Variants in MTHFD1L observed in about 807,000 individuals in gnomAD.
MTHFD1L encodes methylenetetrahydrofolate dehydrogenase (NADP+ dependent) 1 like.
Under a neutral mutation model 119.5 loss-of-function variants are expected in MTHFD1L, and 81 were observed. The ratio of observed to expected loss-of-function variants is 0.68; its 90% CI spans 0.57 to 0.82. The LOEUF (loss-of-function observed/expected upper bound fraction) is 0.82. Among genes scored for constraint, MTHFD1L ranks in the 40% least tolerant of loss-of-function variants. MTHFD1L has a pLI of 0.00. For synonymous variants in MTHFD1L, 430 were observed against 475.2 expected (o/e 0.90, Z 1.24); for missense variants, 1,125 against 1,253.4 (o/e 0.90, Z 1.55).
At chr6:150,981,313 G>A (rs1024444138) in intron 20 of MTHFD1L, among the ~76,000 whole-genome samples, 3 of 152,146 alleles carry the variant, frequency 2.0e-5, no homozygotes, top group Admixed American at 6.5e-5. Context: ...GGGATGTAGA[G>A]CACTATTGTT....
intron 26 of MTHFD1L, among the ~76,000 whole-genome samples, chr6:151,061,293 C>T (rs1193705595): frequency 1.3e-5 from 2 of 152,118 alleles, no homozygotes; most frequent in Non-Finnish European, 2.9e-5. Flanking sequence ...TAGAGTCACA[C>T]AAGATACACT....
intron 26 of MTHFD1L, among the ~76,000 whole-genome samples, chr6:151,070,338 T>G (rs1012110605): frequency 1.3e-5 from 2 of 152,238 alleles, no homozygotes; most frequent in African/African-American, 4.8e-5. Context: ...CCTTTCACTT[T>G]TGGAAAATGT....
chr6:150,965,670 A>G (rs1020625770), intron 19 of MTHFD1L, among the ~76,000 whole-genome samples: 3 of 121,810 alleles, frequency 2.5e-5, no homozygotes, highest in African/African-American at 8.2e-5. Flanking sequence ...GAAAAAAAAA[A>G]AAAGAGAAAG....
intron 26 of MTHFD1L, among the ~76,000 whole-genome samples, chr6:151,040,504 A>C (rs558438525): frequency 1.4e-5 from 1 of 70,250 alleles, no homozygotes; most frequent in South Asian, 4.7e-4. Context: ...TCAGGCCAGG[A>C]GTTTGAGACG....
At chr6:151,046,890 T>C (rs1189216053) in intron 26 of MTHFD1L, among the ~76,000 whole-genome samples, 1 of 152,088 alleles carries the variant, frequency 6.6e-6, no homozygotes, top group Non-Finnish European at 1.5e-5. Context: ...AGTTAAACTT[T>C]TAAGAAAAGG....
At chr6:151,049,347 C>A (rs944420967) in intron 26 of MTHFD1L, among the ~76,000 whole-genome samples, 1 of 152,144 alleles carries the variant, frequency 6.6e-6, no homozygotes, top group Non-Finnish European at 1.5e-5. Context: ...AAAAAATTAG[C>A]CAGGTGTGGT....
rs1454679762 is a variant in MTHFD1L at position 150,876,150 on chromosome 6, C to G, written c.288C>G (p.Phe96Leu). 6.3e-7 allele frequency: 1 copy of G among 1,599,742 alleles called. No individual in the cohort carries two copies. Among genetic ancestry groups the G allele is most frequent in the Non-Finnish European group, 8.5e-7 (1 of 1,173,490 alleles). Reference sequence around the variant, plus strand: ...TATTGCAAGAAAAAAACCCTGCCTTCAAGCCGGTTCTTGCAATTATCCAGG... The same window carrying G: ...TATTGCAAGAAAAAAACCCTGCCTTGAAGCCGGTTCTTGCAATTATCCAGG... ...LSLLQEKNPA[F>L]KPVLAIIQAG... Residue 96 changes from phenylalanine (F) to leucine (L), a missense_variant, in exon 2 of 28, where the codon TTC becomes TTG. Phe to Leu is a conservative substitution (Grantham distance 22, BLOSUM62 0). Around this residue, in one of 3 missense-constraint regions of MTHFD1L, gnomAD observed 1,058 missense variants for 1,151.2 expected, o/e 0.92. Coordinates refer to ENST00000367321, the MANE Select transcript of MTHFD1L (RefSeq NM_015440.5).
At chr6:151,016,334 C>CTTT (rs138675772) in intron 24 of MTHFD1L, among the ~76,000 whole-genome samples, 5 of 145,664 alleles carry the variant, frequency 3.4e-5, no homozygotes, top group African/African-American at 1.2e-4. Context: ...GTTCATTTCT[C>CTTT]TTTTTTTTTT....
intron 17 of MTHFD1L, chr6:150,959,043 TA>T: frequency 4.0e-6 from 1 of 251,270 alleles, no homozygotes. Context: ...GCACTGTTTA[TA>T]ATAGAATGGT....
intron 1 of MTHFD1L, among the ~76,000 whole-genome samples, chr6:150,870,268 A>T (rs1779173927): frequency 6.6e-6 from 1 of 152,222 alleles, no homozygotes; most frequent in South Asian, 2.1e-4. Context: ...GATTAGAAAC[A>T]TTTATGCTAC....
rs1176277841 is a variant in MTHFD1L at position 150,974,766 on chromosome 6, C to T, written c.2125+2708C>T. Among the ~76,000 whole-genome samples the T allele has an allele frequency of 2.7e-5, 4 of 146,308 alleles. No homozygotes were observed. The East Asian group carries it at 5.9e-4, about 22-fold the overall frequency. ...TTTTATTTTTTGTGAGATGGAGTTT[C>T]GCTCTTGTTGCCCAGGCTGGAGCGC... On this transcript the variant is annotated intron_variant, in intron 20 of 27. Coordinates refer to ENST00000367321, the MANE Select transcript of MTHFD1L (RefSeq NM_015440.5).
intron 26 of MTHFD1L, among the ~76,000 whole-genome samples, chr6:151,074,456 AAC>A (rs1291383445): frequency 6.6e-6 from 1 of 152,248 alleles, no homozygotes; most frequent in Non-Finnish European, 1.5e-5. Context: ...TGGCAACAAT[AAC>A]ACAAAGTCTA....
At chr6:150,912,760 T>C in intron 8 of MTHFD1L, 4 of 481,734 alleles carry the variant, frequency 8.3e-6, no homozygotes, top group Middle Eastern at 3.3e-4. Context: ...GAGTGTTTAG[T>C]GGGAAGTGAA....
intron 9 of MTHFD1L, among the ~76,000 whole-genome samples, chr6:150,920,222 A>G (rs1788667846): frequency 6.6e-6 from 1 of 152,228 alleles, no homozygotes; most frequent in Non-Finnish European, 1.5e-5. Context: ...AGTCCAGTTC[A>G]CATTCAAGAG....
intron 27 of MTHFD1L, among the ~76,000 whole-genome samples, chr6:151,094,403 C>G (rs931777280): frequency 1.3e-5 from 2 of 152,178 alleles, no homozygotes; most frequent in African/African-American, 4.8e-5. Context: ...CGCGCTATCA[C>G]CTAGGCTGGA....
chr6:150,961,623 A>G (rs1343748887), intron 18 of MTHFD1L, among the ~76,000 whole-genome samples: 1 of 152,240 alleles, frequency 6.6e-6, no homozygotes, highest in Non-Finnish European at 1.5e-5. Flanking sequence ...ATTAATTTCA[A>G]GGGCTTAGGG....
chr6:150,866,144 G>T, intron 1 of MTHFD1L, 95 bp downstream of exon 1: 1 of 1,413,488 alleles, frequency 7.1e-7, no homozygotes, highest in South Asian at 1.4e-5. Flanking sequence ...AGCGGGGCGC[G>T]GGGCTGCGAG....
chr6:150,866,365 T>C (rs1220253080), intron 1 of MTHFD1L: 12 of 1,413,856 alleles, frequency 8.5e-6, no homozygotes, highest in Non-Finnish European at 1.1e-5. Flanking sequence ...TCTGATGCAA[T>C]CGCGCCGGGC....
At chr6:150,879,134 T>C (rs1780949649) in intron 4 of MTHFD1L, among the ~76,000 whole-genome samples, 1 of 152,192 alleles carries the variant, frequency 6.6e-6, no homozygotes. Context: ...AAGGAAACTA[T>C]ATACTGGGCG....
Sources: allele counts gnomAD v4.1 joint callset (sites outside exome capture counted in the v4.1 genomes callset), GRCh38; gene constraint gnomAD v4.1.1; regional missense constraint gnomAD v4.1.1; transcripts MANE v1.5; gene names NCBI Gene and HGNC (gene_info 2026-07-23, HGNC 2026-07-21).